Variants in LRRC71 observed in about 807,000 individuals in gnomAD.
The protein encoded by LRRC71 is leucine rich repeat containing 71.
In LRRC71, 54 loss-of-function variants were observed where a neutral mutation model predicts 66.6. The ratio of observed to expected loss-of-function variants is 0.81; its 90% CI spans 0.65 to 1.02. The LOEUF (loss-of-function observed/expected upper bound fraction) is 1.02. Among genes scored for constraint, LRRC71 ranks in the 50% least tolerant of loss-of-function variants. The probability of loss-of-function intolerance (pLI) is 0.00; values close to 1 mark genes in which losing one functional copy is unlikely to be tolerated. For synonymous variants in LRRC71, 323 were observed against 303.9 expected, an observed-to-expected ratio of 1.06 and a Z score of -0.65; for missense variants, 724 against 718.0, an observed-to-expected ratio of 1.01 and a Z score of -0.10.
In LRRC71 at chr1:156,924,683, A is replaced by C; in HGVS notation, c.480A>C (p.Lys160Asn). The change falls in exon 4 of 15, where the codon AAA becomes AAC. Residue 160 changes from lysine (K) to asparagine (N), a missense_variant. By Grantham distance (94) the Lys-to-Asn change is moderately conservative (BLOSUM62 0). Coordinates refer to ENST00000337428, the MANE Select transcript of LRRC71 (RefSeq NM_144702.3). Reference protein sequence around the residue: ...VEERILGVFSKCLPPLTQLQA... With the variant: ...VEERILGVFSNCLPPLTQLQA... ...AACGGATTCTGGGTGTCTTCTCTAA[A>C]TGTCTGCCCCCGCTTACCCAGCTAC... The C allele has an allele frequency of 6.4e-7, 1 of 1,551,586 alleles. No homozygotes were observed. Among genetic ancestry groups the C allele is most frequent in the Non-Finnish European group, 8.7e-7 (1 of 1,146,966 alleles).
intron 12 of LRRC71, 104 bp downstream of exon 12, chr1:156,930,721 A>G (rs1654243373): frequency 2.8e-6 from 3 of 1,055,536 alleles, no homozygotes; most frequent in Non-Finnish European, 4.2e-6. Flanking sequence ...CTCCAGCCCC[A>G]TGCTGTGGCA....
At chr1:156,935,762 A>G (rs1474263566), downstream of LRRC71, 3 of 533,516 alleles carry the variant, frequency 5.6e-6, no homozygotes, top group Middle Eastern at 4.9e-4. Context: ...CAGCATGCTT[A>G]GGAGACATGA....
At chr1:156,926,948 G>A (rs1653295586) in intron 5 of LRRC71, among the ~76,000 whole-genome samples, 1 of 152,186 alleles carries the variant, frequency 6.6e-6, no homozygotes. Flanking sequence ...AGTTCCAGGA[G>A]GTGGGGACCA....
Position 156,920,847 on chromosome 1 carries a change from C to T in LRRC71, c.44C>T (p.Pro15Leu). Residue 15 changes from proline to leucine, a missense_variant, in exon 1 of 15, where the codon CCG becomes CTG. Physicochemically the swap from Pro to Leu is moderately conservative, Grantham distance 98 (BLOSUM62 -3). Transcript: ENST00000337428. This position sits in a 1 kb window ranked among gnomAD's most constrained non-coding sequence, Gnocchi z 4.9. Reference protein sequence around the residue: ...QSAPGASPRAPRPGTQKSSGA... With the variant: ...QSAPGASPRALRPGTQKSSGA... ...GCGCCGGGGGCCTCACCCAGGGCCC[C>T]GCGTCCGGGGACCCAGAAGTCTTCT... 2.0e-6 allele frequency: 3 copies of T among 1,537,406 alleles called. No homozygotes were observed. The highest frequency in any genetic ancestry group is 2.4e-5 in the South Asian group (2 of 82,274).
intron 5 of LRRC71, among the ~76,000 whole-genome samples, chr1:156,926,913 G>C (rs1178711564): frequency 6.6e-6 from 1 of 152,132 alleles, no homozygotes; most frequent in Non-Finnish European, 1.5e-5. Flanking sequence ...CCACACTCAA[G>C]GGGAAGGAAT....
chr1:156,930,060 T>TTCTCTTTCTTTCTTTTTCTTTCTTTC (rs746194831), intron 11 of LRRC71, among the ~76,000 whole-genome samples: 2 of 126,234 alleles, frequency 1.6e-5, no homozygotes, highest in African/African-American at 7.3e-5. Context: ...CTTTCTTTCT[T>TTCTCTTTCTTTCTTTTTCTTTCTTTC]TTTCTTTCTT....
At chr1:156,930,097 CTCTT>C (rs1270471663) in intron 11 of LRRC71, among the ~76,000 whole-genome samples, 4 of 30,728 alleles carry the variant, frequency 1.3e-4, no homozygotes, top group Admixed American at 3.7e-4. Flanking sequence ...TTCTTTCTCT[CTCTT>C]TTTTTTTTTT....
chr1:156,923,064 C>A (rs1008835667), intron 1 of LRRC71, among the ~76,000 whole-genome samples: 1 of 152,198 alleles, frequency 6.6e-6, no homozygotes, highest in Non-Finnish European at 1.5e-5. Context: ...CCTCTCATGC[C>A]TTTCCCCATG....
In LRRC71 at chr1:156,924,058, CTT is replaced by C; in HGVS notation, c.271_272del (p.Phe91ArgfsTer25). The C allele has an allele frequency of 2.0e-6, 3 of 1,527,526 alleles. No individual in the cohort carries two copies. Among genetic ancestry groups the C allele is most frequent in the Non-Finnish European group, 2.7e-6 (3 of 1,126,766 alleles). 94.6% of individuals were successfully genotyped at this position (1,527,526 alleles called of 1,614,324 possible). On this transcript the variant is annotated frameshift_variant, in exon 2 of 15. Transcript: ENST00000337428. LOFTEE classifies it high-confidence loss of function. ...TCAACCGGCCCCGCCCCCACCCGCC[CTT>C]CGTCCCCTCCGCCTCTTTGTCGGAA... ...VVNRPRPHPP[F>X]VPSASLSEKA...
intron 9 of LRRC71, among the ~76,000 whole-genome samples, chr1:156,928,610 A>T (rs1259163534): frequency 1.9e-5 from 2 of 103,768 alleles, no homozygotes; most frequent in African/African-American, 7.9e-5. Flanking sequence ...TGGCTCTGTT[A>T]CCTGGGCTGG....
At chr1:156,928,741 T>C (rs1653815226) in intron 9 of LRRC71, among the ~76,000 whole-genome samples, 1 of 151,734 alleles carries the variant, frequency 6.6e-6, no homozygotes, top group Admixed American at 6.6e-5. Flanking sequence ...CAGCTAATTT[T>C]TGTATTTTTT....
chr1:156,936,235 A>G, downstream of LRRC71: 1 of 784,286 alleles, frequency 1.3e-6, no homozygotes. Flanking sequence ...CACTTTCATC[A>G]GCGCCTAAAG....
chr1:156,938,363 C>G, the LRRC71 span: 323 of 1,547,830 alleles, frequency 2.1e-4, no homozygotes, highest in Admixed American at 2.9e-4. Context: ...TCTGCCCTCA[C>G]AGGTTCCACA....
At chr1:156,938,659 C>T in the LRRC71 span, 4 of 641,936 alleles carry the variant, frequency 6.2e-6, no homozygotes, top group Admixed American at 2.8e-5. Flanking sequence ...AGATCATACA[C>T]GATGACATCC....
chr1:156,935,980 G>T, downstream of LRRC71: 2 of 1,608,568 alleles, frequency 1.2e-6, no homozygotes, highest in Non-Finnish European at 1.7e-6. Context: ...GGGACGCAGA[G>T]GATTTGGTGG....
intron 4 of LRRC71, 99 bp downstream of exon 4, chr1:156,924,817 C>T (rs1397879811): frequency 8.1e-6 from 10 of 1,232,300 alleles, no homozygotes; most frequent in Non-Finnish European, 1.0e-5. Context: ...ACCCTGGCGA[C>T]GGTGGGGAGG....
Position 156,929,423 on chromosome 1 carries a change from A to C in LRRC71, c.1140A>C (p.Lys380Asn). Residue 380 changes from lysine to asparagine, a missense_variant, in exon 10 of 15, where the codon AAA (lysine) becomes AAC (asparagine). By Grantham distance (94) the Lys-to-Asn change is moderately conservative (BLOSUM62 0). Transcript: ENST00000337428. ...AGGGCCTGGGCAAGAAAAAGGAGAA[A>C]TCATGGGTAGGTGTGCAATGGGACA... ...TPKGLGKKKE[K>N]SWELAKKEEK... 1 of 1,613,868 alleles carries C rather than the reference A, an allele frequency of 6.2e-7. No homozygotes were observed. The highest frequency in any genetic ancestry group is 8.5e-7 in the Non-Finnish European group (1 of 1,179,852).
chr1:156,939,136 G>C, the LRRC71 span: 1 of 254,176 alleles, frequency 3.9e-6, no homozygotes, highest in African/African-American at 2.3e-5. Flanking sequence ...CTGGCGTGAG[G>C]GGCTGCATGC....
At chr1:156,937,070 G>A (rs567743641), downstream of LRRC71, 57 of 1,585,416 alleles carry the variant, frequency 3.6e-5, no homozygotes, top group African/African-American at 7.0e-4. Context: ...TGGGGAAGGG[G>A]TCTGTGCTGG....
Sources: gnomAD v4.1 joint callset for allele counts (sites outside exome capture counted in the v4.1 genomes callset) on GRCh38, gnomAD v4.1.1 for gene constraint, Gnocchi (gnomAD v3.1) non-coding constraint, MANE v1.5 for transcripts, NCBI Gene and HGNC (gene_info 2026-07-23, HGNC 2026-07-21) for gene names.